Variants in PEX14 observed in about 807,000 individuals in gnomAD.
PEX14 encodes the protein peroxisomal biogenesis factor 14.
Under a neutral mutation model 49.5 loss-of-function variants are expected in PEX14, and 15 were observed. That is an observed-to-expected ratio of 0.30 (90% confidence interval 0.20 to 0.47). The LOEUF is 0.47. Ranked by LOEUF, PEX14 falls within the 20% of genes least tolerant of loss-of-function variation. The pLI, the probability that PEX14 is intolerant of heterozygous loss-of-function variation, is 1.00. For synonymous variants in PEX14, 210 were observed against 212.7 expected (o/e 0.99, Z 0.11); for missense variants, 398 against 494.8 (o/e 0.80, Z 1.86).
intron 3 of PEX14, among the ~76,000 whole-genome samples, chr1:10,552,456 C>A (rs1276484323): frequency 6.6e-6 from 1 of 152,116 alleles, no homozygotes; most frequent in Non-Finnish European, 1.5e-5. Flanking sequence ...AAAAAATCTG[C>A]TTTTTAGATT....
chr1:10,540,257 T>C (rs950826888), intron 3 of PEX14, among the ~76,000 whole-genome samples: 2 of 152,228 alleles, frequency 1.3e-5, no homozygotes, highest in Non-Finnish European at 2.9e-5. Flanking sequence ...GGCTTCTCTG[T>C]AGAATATTTC....
At chr1:10,580,102 G>A (rs1640269155) in intron 3 of PEX14, among the ~76,000 whole-genome samples, 1 of 152,042 alleles carries the variant, frequency 6.6e-6, no homozygotes. Context: ...TTCTGTAAAA[G>A]TCAGTTGACT....
chr1:10,523,125 TG>T (rs1316199016), intron 2 of PEX14, among the ~76,000 whole-genome samples: 1 of 152,218 alleles, frequency 6.6e-6, no homozygotes, highest in Non-Finnish European at 1.5e-5. Context: ...CATTTGCTGT[TG>T]GGCTTTTTTT....
rs1570306546 is a variant in PEX14, at chr1:10,583,404, A to ATTT, written c.170-15834_170-15833insTTT. ...CCAGCTTTTTTTTTTTTTTTTTTTA[A>ATTT]AAAGGTGAGGTTGCACTATGTTGTC... On this transcript the variant is annotated intron_variant, in intron 3 of 8. Coordinates refer to ENST00000356607, the MANE Select transcript of PEX14 (RefSeq NM_004565.3). Among the ~76,000 whole-genome samples the ATTT allele has an allele frequency of 7.0e-5, 10 of 142,998 alleles. No homozygotes were observed. The South Asian group carries it at 1.2e-3, about 16-fold the overall frequency. 93.8% of individuals were successfully genotyped at this position (142,998 alleles called of 152,430 possible).
At chr1:10,493,196 C>T (rs1641501277) in intron 1 of PEX14, among the ~76,000 whole-genome samples, 1 of 152,110 alleles carries the variant, frequency 6.6e-6, no homozygotes, top group African/African-American at 2.4e-5. Flanking sequence ...CTTCTAAGAG[C>T]AAGGAGAAGC....
intron 2 of PEX14, among the ~76,000 whole-genome samples, chr1:10,524,739 G>A (rs796849353): frequency 6.6e-6 from 1 of 152,246 alleles, no homozygotes; most frequent in South Asian, 2.1e-4. Context: ...TGTCACCCAG[G>A]CTAGAGTGAA....
intron 2 of PEX14, among the ~76,000 whole-genome samples, chr1:10,524,066 G>A (rs1434772150): frequency 6.6e-6 from 1 of 152,088 alleles, no homozygotes; most frequent in Admixed American, 6.6e-5. Flanking sequence ...CCACTCGAGC[G>A]CTAATCAGAT....
intron 3 of PEX14, among the ~76,000 whole-genome samples, chr1:10,563,446 A>G (rs1639710815): frequency 6.6e-6 from 1 of 151,770 alleles, no homozygotes; most frequent in African/African-American, 2.4e-5. Flanking sequence ...CTAAAAATAC[A>G]AAATTTTTGC....
chr1:10,499,672 C>T (rs1641635395), intron 2 of PEX14, among the ~76,000 whole-genome samples: 1 of 152,128 alleles, frequency 6.6e-6, no homozygotes, highest in Non-Finnish European at 1.5e-5. Flanking sequence ...TGGTCTGGAT[C>T]TCCTGACCTT....
Position 10,514,162 on chromosome 1 carries a change from G to C in PEX14, c.84+18841G>C, listed in dbSNP as rs868555994. On this transcript the variant is annotated intron_variant, in intron 2 of 8. Transcript: ENST00000356607. The surrounding 1 kb of genome is among the most constrained non-coding windows in gnomAD (Gnocchi z 4.4). ...TATAAAATAATCTATGCCTCTGTGT[G>C]TGTGTGTGTGTGTGTGTGTGTGTGT... Among the ~76,000 whole-genome samples the C allele has an allele frequency of 0.017, 2,092 of 125,938 alleles. 42 individuals carry two copies. Among genetic ancestry groups the C allele is most frequent in the African/African-American group, 0.083 (1,884 of 22,792 alleles). 82.6% of individuals were successfully genotyped at this position (125,938 alleles called of 152,430 possible). A position where few individuals can be genotyped will look rare whatever the true frequency, so the allele number is the denominator to read the frequency against.
At chr1:10,547,432 C>T (rs1639208761) in intron 3 of PEX14, among the ~76,000 whole-genome samples, 1 of 152,136 alleles carries the variant, frequency 6.6e-6, no homozygotes, top group African/African-American at 2.4e-5. Context: ...GCATTTTGTG[C>T]AATATGGCGC....
intron 3 of PEX14, among the ~76,000 whole-genome samples, chr1:10,581,175 T>C (rs1381116508): frequency 1.3e-5 from 2 of 152,098 alleles, no homozygotes; most frequent in African/African-American, 2.4e-5. Flanking sequence ...AGGCTGGAGC[T>C]TGAAGTCTAC....
chr1:10,577,562 ATTTTTT>A (rs1164876121), intron 3 of PEX14, among the ~76,000 whole-genome samples: 2 of 6,230 alleles, frequency 3.2e-4, no homozygotes, highest in African/African-American at 9.3e-4. Context: ...ATATATATAT[ATTTTTT>A]TTTTTTTTTT....
chr1:10,568,319 C>T (rs1052404009), intron 3 of PEX14, among the ~76,000 whole-genome samples: 7 of 34,442 alleles, frequency 2.0e-4, no homozygotes, highest in Admixed American at 4.6e-4. Flanking sequence ...CAAGTAGATA[C>T]TCTTCCCCCC....
chr1:10,543,901 A>T (rs1639093587), intron 3 of PEX14, among the ~76,000 whole-genome samples: 1 of 152,170 alleles, frequency 6.6e-6, no homozygotes, highest in African/African-American at 2.4e-5. Context: ...CACCTGGCCC[A>T]TGGAGCACAG....
intron 3 of PEX14, among the ~76,000 whole-genome samples, chr1:10,577,766 A>C (rs1437789736): frequency 1.4e-5 from 2 of 140,456 alleles, no homozygotes; most frequent in African/African-American, 5.1e-5. Flanking sequence ...ATGCCCGGCT[A>C]ATTTTTTGTA....
At chr1:10,560,283 C>A (rs1639616528) in intron 3 of PEX14, among the ~76,000 whole-genome samples, 1 of 152,060 alleles carries the variant, frequency 6.6e-6, no homozygotes, top group African/African-American at 2.4e-5. Flanking sequence ...TCTTGAACTC[C>A]CAACATCAGG....
chr1:10,504,887 A>G (rs1177563547), intron 2 of PEX14, among the ~76,000 whole-genome samples: 2 of 151,694 alleles, frequency 1.3e-5, no homozygotes, highest in East Asian at 2.0e-4. Flanking sequence ...CCCAGGGTCA[A>G]GCTGTTCTCC....
intron 1 of PEX14, among the ~76,000 whole-genome samples, chr1:10,487,066 T>G (rs972375487): frequency 1.3e-5 from 2 of 152,174 alleles, no homozygotes; most frequent in African/African-American, 4.8e-5. Context: ...GAGTTGATCC[T>G]TTTGTTTGCT....
Sources: gnomAD v4.1 joint callset for allele counts (sites outside exome capture counted in the v4.1 genomes callset) on GRCh38, gnomAD v4.1.1 for gene constraint, Gnocchi (gnomAD v3.1) non-coding constraint, MANE v1.5 for transcripts, NCBI Gene and HGNC (gene_info 2026-07-23, HGNC 2026-07-21) for gene names.